CENPP: variants seen among roughly 807,000 people sequenced by gnomAD.
The protein encoded by CENPP is centromere protein P.
In CENPP, 24 loss-of-function variants were observed where a neutral mutation model predicts 35.6. The observed-to-expected ratio is 0.67, with a 90% CI of 0.49 to 0.95. CENPP has a LOEUF of 0.95. CENPP is among the 40% of genes least tolerant of loss of function. CENPP has a pLI of 0.00. For synonymous variants in CENPP, 120 were observed against 125.5 expected (o/e 0.96, Z 0.29); for missense variants, 332 against 345.3 (o/e 0.96, Z 0.31).
At chr9:92,379,151 A>G (rs1842189300) in intron 4 of CENPP, among the ~76,000 whole-genome samples, 2 of 152,210 alleles carry the variant, frequency 1.3e-5, no homozygotes, top group Admixed American at 1.3e-4. Context: ...AGCCAAATGG[A>G]AGTAATGCAT....
intron 5 of CENPP, among the ~76,000 whole-genome samples, chr9:92,608,022 A>G (rs1192836777): frequency 1.3e-5 from 2 of 152,222 alleles, no homozygotes; most frequent in African/African-American, 4.8e-5. Flanking sequence ...TTTCCTGTGG[A>G]AGGCGGGGGC....
intron 4 of CENPP, among the ~76,000 whole-genome samples, chr9:92,370,917 T>A (rs778690598): frequency 3.9e-5 from 6 of 152,154 alleles, no homozygotes; most frequent in Non-Finnish European, 2.9e-5. Context: ...TTGATAATAG[T>A]CTCTCATCTT....
chr9:92,587,979 G>T (rs1850580018), intron 5 of CENPP, among the ~76,000 whole-genome samples: 1 of 151,646 alleles, frequency 6.6e-6, no homozygotes, highest in African/African-American at 2.4e-5. Context: ...ACAAAAATTA[G>T]CTGGGCATGT....
intron 5 of CENPP, among the ~76,000 whole-genome samples, chr9:92,575,542 G>T (rs1382916941): frequency 2.6e-5 from 4 of 152,066 alleles, no homozygotes. Context: ...GGCTGGGCGC[G>T]GTGGCTCACG....
chr9:92,461,659 T>C (rs1845117192), intron 5 of CENPP, among the ~76,000 whole-genome samples: 1 of 152,196 alleles, frequency 6.6e-6, no homozygotes, highest in Admixed American at 6.5e-5. Flanking sequence ...CTGAGGGTCT[T>C]AGCATTCATG....
At chr9:92,397,111 A>C (rs997894981) in intron 5 of CENPP, among the ~76,000 whole-genome samples, 6 of 152,058 alleles carry the variant, frequency 3.9e-5, no homozygotes, top group African/African-American at 7.2e-5. Flanking sequence ...CAGGAGGTCA[A>C]GACTGCAGTG....
intron 1 of CENPP, among the ~76,000 whole-genome samples, chr9:92,329,378 G>T (rs965248112): frequency 2.0e-5 from 3 of 151,882 alleles, no homozygotes; most frequent in African/African-American, 7.3e-5. Flanking sequence ...TAGAGATGGG[G>T]TTTCGCCATG....
At chr9:92,325,796 G>A, upstream of CENPP, 1 of 541,012 alleles carries the variant, frequency 1.8e-6, no homozygotes, top group East Asian at 3.4e-5. Context: ...CGTGTGCGGG[G>A]AAGTGGAGGA....
At chr9:92,437,925 A>G (rs1177112167) in intron 5 of CENPP, among the ~76,000 whole-genome samples, 2 of 150,108 alleles carry the variant, frequency 1.3e-5, no homozygotes, top group African/African-American at 4.9e-5. Context: ...CTCCCTCCTC[A>G]GCATCTCGAG....
intron 5 of CENPP, among the ~76,000 whole-genome samples, chr9:92,532,725 A>T (rs1444034926): frequency 6.6e-6 from 1 of 151,828 alleles, no homozygotes; most frequent in Non-Finnish European, 1.5e-5. Context: ...TTTTAATCTC[A>T]TCTTTTATTT....
In CENPP at chr9:92,369,694, A is replaced by G. The variant is rs12352949; in HGVS notation, c.468-10069A>G. Among the ~76,000 whole-genome samples, 1,025 of 152,306 alleles carry G rather than the reference A, an allele frequency of 6.7e-3. 14 individuals are homozygous for G. Among genetic ancestry groups the G allele is most frequent in the African/African-American group, 0.023 (974 of 41,566 alleles). On this transcript the variant is annotated intron_variant, in intron 4 of 7. Transcript: ENST00000375587. ...TTTTGTACATTGATTTTGTCCCGCA[A>G]CTTAACTAAATTCATTTATCAAATC...
intron 5 of CENPP, among the ~76,000 whole-genome samples, chr9:92,445,169 G>A (rs1844520201): frequency 6.6e-6 from 1 of 152,142 alleles, no homozygotes; most frequent in South Asian, 2.1e-4. Flanking sequence ...AATGTTCAAG[G>A]TGGTCACAGT....
intron 5 of CENPP, among the ~76,000 whole-genome samples, chr9:92,394,287 T>C (rs1439248961): frequency 6.6e-6 from 1 of 152,076 alleles, no homozygotes; most frequent in East Asian, 1.9e-4. Context: ...CTGTTGCTCA[T>C]GCTGGAGTGT....
chr9:92,338,408 A>G (rs1313141240), intron 3 of CENPP, among the ~76,000 whole-genome samples: 1 of 152,170 alleles, frequency 6.6e-6, no homozygotes, highest in Non-Finnish European at 1.5e-5. Flanking sequence ...ACGGATGCTC[A>G]AGTCCCTTCT....
chr9:92,378,567 T>C lies in CENPP; in HGVS notation c.468-1196T>C, dbSNP rs146311094. Among the ~76,000 whole-genome samples, 475 of 152,328 alleles carry C rather than the reference T, an allele frequency of 3.1e-3. 3 individuals are homozygous for C. The highest frequency in any genetic ancestry group is 0.011 in the African/African-American group (456 of 41,582). ...TCTGATGTTTGCTTTATGTGCTGTG[T>C]TCATGGTTTTAAATTATAGTTAACG... On this transcript the variant is annotated intron_variant, in intron 4 of 7. Transcript: ENST00000375587.
intron 5 of CENPP, among the ~76,000 whole-genome samples, chr9:92,383,190 G>A (rs945859043): frequency 6.6e-5 from 10 of 152,050 alleles, no homozygotes; most frequent in East Asian, 3.9e-4. Context: ...GAGCCATTGC[G>A]CCCAGCCACA....
intron 5 of CENPP, among the ~76,000 whole-genome samples, chr9:92,447,183 A>G (rs1844574036): frequency 6.6e-6 from 1 of 152,024 alleles, no homozygotes; most frequent in Non-Finnish European, 1.5e-5. Context: ...GAATGGTTTC[A>G]GGGTGATTCA....
chr9:92,460,462 G>C (rs1845065807), intron 5 of CENPP: 2 of 1,519,064 alleles, frequency 1.3e-6, no homozygotes. Context: ...TTAAAATTTT[G>C]GGAACGTTTA....
intron 5 of CENPP, among the ~76,000 whole-genome samples, chr9:92,508,832 A>G (rs1484065913): frequency 6.6e-6 from 1 of 152,080 alleles, no homozygotes; most frequent in African/African-American, 2.4e-5. Context: ...TATTCCTTTA[A>G]AGGCTTTGTT....
Sources: allele counts gnomAD v4.1 joint callset (sites outside exome capture counted in the v4.1 genomes callset), GRCh38; gene constraint gnomAD v4.1.1; transcripts MANE v1.5; gene names NCBI Gene and HGNC (gene_info 2026-07-23, HGNC 2026-07-21).